Variants in TMED5 observed in about 807,000 individuals in gnomAD.
TMED5 encodes transmembrane emp24 domain-containing protein 5.
Under a neutral mutation model 23.0 loss-of-function variants are expected in TMED5, and 27 were observed. The observed-to-expected ratio is 1.17, with a 90% confidence interval of 0.86 to 1.62. TMED5 has a LOEUF of 1.62. TMED5 is among the 40% of genes most tolerant of loss of function. The probability of loss-of-function intolerance (pLI) is 0.00; values close to 1 mark genes in which losing one functional copy is unlikely to be tolerated. For synonymous variants in TMED5, 97 were observed against 100.8 expected (o/e 0.96, Z 0.23); for missense variants, 248 against 273.7 (o/e 0.91, Z 0.66).
intron 1 of TMED5, among the ~76,000 whole-genome samples, chr1:93,179,367 CAAA>C (rs11332484): frequency 4.2e-5 from 4 of 96,162 alleles, no homozygotes; most frequent in Non-Finnish European, 4.2e-5. Context: ...GACTCCGTCT[CAAA>C]AAAAAAAAAA....
intron 1 of TMED5, among the ~76,000 whole-genome samples, chr1:93,177,087 C>A (rs1648938967): frequency 6.6e-6 from 1 of 151,968 alleles, no homozygotes; most frequent in African/African-American, 2.4e-5. Context: ...CTAGATTGTT[C>A]TATAAAATTT....
At chr1:93,175,913 A>G (rs1648895213) in intron 1 of TMED5, among the ~76,000 whole-genome samples, 1 of 152,184 alleles carries the variant, frequency 6.6e-6, no homozygotes, top group Non-Finnish European at 1.5e-5. Context: ...GCTAGATACC[A>G]TTCCTTTTAC....
At position 93,150,817 on chromosome 1, in the gene TMED5, T is replaced by G. The variant is rs1647847348; in HGVS notation, c.*3853A>C. The G allele has an allele frequency of 6.6e-6, 1 of 152,234 alleles. No homozygotes were observed. The highest frequency in any genetic ancestry group is 2.4e-5 in the African/African-American group (1 of 41,464). 9.4% of individuals were successfully genotyped at this position (152,234 alleles called of 1,614,324 possible). On this transcript the variant is annotated 3_prime_UTR_variant, in exon 4 of 4. Coordinates refer to ENST00000370282, the MANE Select transcript of TMED5 (RefSeq NM_016040.5). ...CAGGATTAGGGAGTAGTATCTTTCT[T>G]TCTGAGGGAGTTTATATCAGTTTGG...
chr1:93,158,428 C>T (rs150229881), intron 2 of TMED5, among the ~76,000 whole-genome samples: 14 of 152,192 alleles, frequency 9.2e-5, no homozygotes, highest in African/African-American at 2.2e-4. Flanking sequence ...AGAGGTAATT[C>T]TACACAAGGA....
chr1:93,168,475 T>A (rs1360170542), intron 1 of TMED5, among the ~76,000 whole-genome samples: 1 of 152,108 alleles, frequency 6.6e-6, no homozygotes, highest in African/African-American at 2.4e-5. Context: ...TCAAAAGAAA[T>A]CTGAAGTAGC....
intron 1 of TMED5, among the ~76,000 whole-genome samples, chr1:93,163,813 T>C (rs1571276523): frequency 7.1e-6 from 1 of 141,656 alleles, no homozygotes; most frequent in Non-Finnish European, 1.6e-5. Context: ...CTGTCTCTAA[T>C]AAAAAAAAAA....
chr1:93,169,920 A>ACACACACACACAC (rs1553159711), intron 1 of TMED5, among the ~76,000 whole-genome samples: 1 of 39,236 alleles, frequency 2.5e-5, no homozygotes, highest in Non-Finnish European at 6.2e-5. Context: ...CACACACACA[A>ACACACACACACAC]AATTAGGCAG....
intron 1 of TMED5, among the ~76,000 whole-genome samples, chr1:93,167,285 T>G (rs997141730): frequency 3.3e-5 from 5 of 152,230 alleles, no homozygotes; most frequent in Non-Finnish European, 7.3e-5. Context: ...AATTGTTTTT[T>G]CTATTTCTGG....
At chr1:93,178,192 A>G (rs1234008509) in intron 1 of TMED5, among the ~76,000 whole-genome samples, 3 of 152,180 alleles carry the variant, frequency 2.0e-5, no homozygotes, top group African/African-American at 7.2e-5. Context: ...TAATGACCCC[A>G]GCCTTCTGGC....
intron 1 of TMED5, chr1:93,162,089 C>T (rs1362964475): frequency 6.7e-6 from 1 of 150,092 alleles, no homozygotes; most frequent in Non-Finnish European, 1.5e-5. Context: ...CTATATAGTA[C>T]AGCCTTTTAA....
At chr1:93,155,233 A>ATTT (rs1648024040) in intron 3 of TMED5, among the ~76,000 whole-genome samples, 1 of 152,174 alleles carries the variant, frequency 6.6e-6, no homozygotes, top group Admixed American at 6.5e-5. Context: ...CTGTCTCAAA[A>ATTT]AAAGTTTTTT....
chr1:93,170,372 G>T (rs983351876), intron 1 of TMED5, among the ~76,000 whole-genome samples: 1 of 152,222 alleles, frequency 6.6e-6, no homozygotes, highest in Non-Finnish European at 1.5e-5. Flanking sequence ...CGGCCGGCCG[G>T]CCTGCAAGCC....
chr1:93,176,230 T>C (rs1312924504), intron 1 of TMED5, among the ~76,000 whole-genome samples: 1 of 152,186 alleles, frequency 6.6e-6, no homozygotes, highest in Non-Finnish European at 1.5e-5. Context: ...CTCAAAGGTA[T>C]CTTTCTCTCT....
At chr1:93,179,453 T>C (rs1288343859) in intron 1 of TMED5, among the ~76,000 whole-genome samples, 2 of 151,624 alleles carry the variant, frequency 1.3e-5, no homozygotes, top group African/African-American at 2.4e-5. Context: ...AAAGTTTTAA[T>C]ATACGATTTG....
chr1:93,176,690 T>A (rs1648925936), intron 1 of TMED5, among the ~76,000 whole-genome samples: 1 of 152,122 alleles, frequency 6.6e-6, no homozygotes, highest in Non-Finnish European at 1.5e-5. Flanking sequence ...TGTGCTACCA[T>A]GCCTGGCTAA....
chr1:93,160,287 T>C (rs1262163696), intron 1 of TMED5, 61 bp from the exon 2 acceptor site: 5 of 966,694 alleles, frequency 5.2e-6, no homozygotes, highest in Non-Finnish European at 6.5e-6. Flanking sequence ...AAAAATTATA[T>C]ACAGTAGATC....
intron 1 of TMED5, among the ~76,000 whole-genome samples, chr1:93,173,543 C>T (rs1293014526): frequency 2.6e-5 from 4 of 152,112 alleles, no homozygotes; most frequent in Non-Finnish European, 5.9e-5. Context: ...ATATAACAAA[C>T]TGACAGGAAG....
At chr1:93,167,361 A>C (rs1041814669) in intron 1 of TMED5, among the ~76,000 whole-genome samples, 2 of 152,156 alleles carry the variant, frequency 1.3e-5, no homozygotes, top group African/African-American at 4.8e-5. Flanking sequence ...GGTAGTATGG[A>C]CATTTTAACA....
intron 1 of TMED5, among the ~76,000 whole-genome samples, chr1:93,172,511 A>C (rs1209959255): frequency 6.6e-6 from 1 of 152,228 alleles, no homozygotes; most frequent in Non-Finnish European, 1.5e-5. Context: ...CTACCAAAAT[A>C]TGTACAAGAT....
Sources: gnomAD v4.1 joint callset for allele counts (sites outside exome capture counted in the v4.1 genomes callset) on GRCh38, gnomAD v4.1.1 for gene constraint, MANE v1.5 for transcripts, NCBI Gene and HGNC (gene_info 2026-07-23, HGNC 2026-07-21) for gene names.